The following GBE1 variants were observed in gnomAD, a reference collection of about 807,000 sequenced individuals.
GBE1 encodes the protein 1,4-alpha-glucan branching enzyme 1, also known as 1,4-alpha-glucan-branching enzyme.
A neutral mutation model predicts 88.8 loss-of-function variants in GBE1; 70 were observed. The observed-to-expected ratio is 0.79, with a 90% CI of 0.65 to 0.96. The LOEUF (loss-of-function observed/expected upper bound fraction) is 0.96. GBE1 is among the 40% of genes least tolerant of loss of function. The pLI is 0.00. For missense variants in GBE1, 872 were observed against 871.0 expected (o/e 1.00, Z -0.01); for synonymous variants, 284 against 300.1 (o/e 0.95, Z 0.56).
At chr3:81,699,082 G>C (rs1438768467) in intron 2 of GBE1, among the ~76,000 whole-genome samples, 1 of 152,038 alleles carries the variant, frequency 6.6e-6, no homozygotes, top group South Asian at 2.1e-4. Context: ...CTTGTAGTTC[G>C]CTATCACTTT....
intron 2 of GBE1, among the ~76,000 whole-genome samples, chr3:81,673,782 CTT>C (rs987514839): frequency 1.7e-3 from 255 of 151,970 alleles, no homozygotes; most frequent in African/African-American, 5.9e-3. Context: ...CTGTAAAAAA[CTT>C]TTTTTCTTTG....
At chr3:81,513,017 A>C (rs1485631674) in intron 14 of GBE1, among the ~76,000 whole-genome samples, 3 of 151,728 alleles carry the variant, frequency 2.0e-5, no homozygotes, top group Non-Finnish European at 2.9e-5. Context: ...AGTTTCAAAA[A>C]TTTATAATTC....
chr3:81,613,634 CAAT>C (rs1259868085), intron 7 of GBE1, among the ~76,000 whole-genome samples: 1 of 152,024 alleles, frequency 6.6e-6, no homozygotes, highest in Non-Finnish European at 1.5e-5. Context: ...GGCATTTTGA[CAAT>C]ATGATTTCTC....
intron 7 of GBE1, among the ~76,000 whole-genome samples, chr3:81,641,705 A>G (rs1168457913): frequency 6.6e-6 from 1 of 151,968 alleles, no homozygotes; most frequent in African/African-American, 2.4e-5. Flanking sequence ...AAAATAATGT[A>G]TGATATCCAG....
Position 81,742,238 on chromosome 3 carries a change from T to C in GBE1, c.143+19137A>G, listed in dbSNP as rs186005944. ...TAACCTGTTTCATTCACTTTTAAAATAGCACTTTAAAAAGAGAATTTGCTA... is the reference window on the plus strand; with the variant it reads ...TAACCTGTTTCATTCACTTTTAAAACAGCACTTTAAAAAGAGAATTTGCTA... On this transcript the variant is annotated intron_variant, in intron 1 of 15. Transcript: ENST00000429644. Among the ~76,000 whole-genome samples, 26 of 152,186 alleles carry C rather than the reference T, an allele frequency of 1.7e-4. No individual in the cohort carries two copies. In the East Asian group the frequency reaches 4.2e-3, roughly 25 times the overall value.
chr3:81,648,745 T>G, intron 5 of GBE1, 111 bp downstream of exon 5: 1 of 571,558 alleles, frequency 1.7e-6, no homozygotes, highest in East Asian at 3.2e-5. Context: ...TGCCTTTCTA[T>G]TACATATTTA....
intron 14 of GBE1, among the ~76,000 whole-genome samples, chr3:81,525,398 A>T (rs1702930213): frequency 6.6e-6 from 1 of 152,052 alleles, no homozygotes; most frequent in African/African-American, 2.4e-5. Context: ...ATCATGGTGG[A>T]TAAGCGTTTT....
At chr3:81,640,972 A>G (rs997450782) in intron 7 of GBE1, among the ~76,000 whole-genome samples, 1 of 152,110 alleles carries the variant, frequency 6.6e-6, no homozygotes, top group African/African-American at 2.4e-5. Context: ...GTTTGTCTCA[A>G]TTTCTGTGAT....
rs577068238 is a variant in GBE1 at position 81,650,170 on chromosome 3, C to T, written c.430-249G>A. ...GGCTTTCTGGCAATTTCCACCACTGCAAACCAGCCATAAGAGTGCTTACTT... is the reference window on the plus strand; with the variant it reads ...GGCTTTCTGGCAATTTCCACCACTGTAAACCAGCCATAAGAGTGCTTACTT... On this transcript the variant is annotated intron_variant, in intron 3 of 15. Coordinates refer to ENST00000429644, the MANE Select transcript of GBE1 (RefSeq NM_000158.4). 1.8e-4 allele frequency: 58 copies of T among 319,606 alleles called. No homozygotes were observed. In the East Asian group the frequency reaches 5.0e-3, roughly 27 times the overall value. 19.8% of individuals were successfully genotyped at this position (319,606 alleles called of 1,614,324 possible).
At chr3:81,560,470 A>C (rs961131985) in intron 12 of GBE1, among the ~76,000 whole-genome samples, 1 of 152,100 alleles carries the variant, frequency 6.6e-6, no homozygotes, top group Admixed American at 6.6e-5. Flanking sequence ...TAAATTTATC[A>C]ATTTGTTATC....
At chr3:81,606,743 T>C (rs1341217497) in intron 7 of GBE1, among the ~76,000 whole-genome samples, 1 of 152,240 alleles carries the variant, frequency 6.6e-6, no homozygotes, top group Non-Finnish European at 1.5e-5. Context: ...AGGACTTCTC[T>C]GGACACCCAG....
At chr3:81,616,535 G>C (rs983174855) in intron 7 of GBE1, among the ~76,000 whole-genome samples, 1 of 152,050 alleles carries the variant, frequency 6.6e-6, no homozygotes, top group African/African-American at 2.4e-5. Context: ...TTTCTGGGTT[G>C]TCTATTCTGT....
rs73853349 is a variant in GBE1 at position 81,537,531 on chromosome 3, T to C, written c.1619-436A>G. Among the ~76,000 whole-genome samples the C allele has an allele frequency of 6.1e-3, 928 of 152,162 alleles. 20 individuals are homozygous for C. The highest frequency in any genetic ancestry group is 0.021 in the African/African-American group (886 of 41,564). ...TATTTTTTGATCCTCAAAGGAACTC[T>C]CTATTATATTCATTTCACAGATGAG... On this transcript the variant is annotated intron_variant, in intron 12 of 15. Transcript: ENST00000429644.
At chr3:81,695,577 G>A (rs1449460124) in intron 2 of GBE1, among the ~76,000 whole-genome samples, 1 of 152,058 alleles carries the variant, frequency 6.6e-6, no homozygotes, top group African/African-American at 2.4e-5. Context: ...AGTAATAATG[G>A]TTGCACAACA....
intron 7 of GBE1, among the ~76,000 whole-genome samples, chr3:81,602,074 G>C (rs1704040337): frequency 6.6e-6 from 1 of 152,168 alleles, no homozygotes; most frequent in African/African-American, 2.4e-5. Context: ...TGTATTGAGA[G>C]AGAAACAGTT....
intron 1 of GBE1, 146 bp downstream of exon 1, chr3:81,761,229 G>A: frequency 6.6e-6 from 7 of 1,056,106 alleles, no homozygotes; most frequent in South Asian, 4.9e-5. Flanking sequence ...CCGGTTACCC[G>A]AGTCACCCCG....
At chr3:81,748,978 G>A (rs1269725372) in intron 1 of GBE1, among the ~76,000 whole-genome samples, 1 of 140,414 alleles carries the variant, frequency 7.1e-6, no homozygotes, top group Non-Finnish European at 1.5e-5. Flanking sequence ...CTGCACTCCA[G>A]CCTGGTGACA....
intron 1 of GBE1, among the ~76,000 whole-genome samples, chr3:81,738,663 T>A (rs1706308236): frequency 6.6e-6 from 1 of 152,178 alleles, no homozygotes; most frequent in Admixed American, 6.5e-5. Context: ...TGTAATTCCT[T>A]GGGTCATTTT....
chr3:81,606,418 T>C (rs184357390), intron 7 of GBE1, among the ~76,000 whole-genome samples: 24 of 152,364 alleles, frequency 1.6e-4, no homozygotes, highest in Non-Finnish European at 2.9e-4. Context: ...CTGAGAATAA[T>C]GATTTATGTT....
Sources: gnomAD v4.1 joint callset for allele counts (sites outside exome capture counted in the v4.1 genomes callset) on GRCh38, gnomAD v4.1.1 for gene constraint, MANE v1.5 for transcripts, NCBI Gene and HGNC (gene_info 2026-07-23, HGNC 2026-07-21) for gene names.